The following CUL1 variants were observed in gnomAD, a reference collection of about 807,000 sequenced individuals.
The protein encoded by CUL1 is cullin-1.
Under a neutral mutation model 118.0 loss-of-function variants are expected in CUL1, and 24 were observed. That is an observed-to-expected ratio of 0.20 (90% CI 0.15 to 0.29). CUL1 has a LOEUF of 0.29. Ranked by LOEUF, CUL1 falls within the 10% of genes least tolerant of loss-of-function variation. CUL1 has a pLI of 1.00. For missense variants in CUL1, 361 were observed against 933.8 expected (o/e 0.39, Z 7.99); for synonymous variants, 332 against 340.4 (o/e 0.98, Z 0.27).
chr7:148,800,739 C>G lies in CUL1; in HGVS notation c.*157C>G. The stretch of plus-strand genomic sequence containing the variant: ...CCATCAGCTGGTCTCGGATTTACAT[C>G]GGAACTGCTCAGGATTGATACATTT... On this transcript the variant is annotated 3_prime_UTR_variant, in exon 22 of 22. Transcript: ENST00000325222. The surrounding 1 kb of genome is among the most constrained non-coding windows in gnomAD (Gnocchi z 4.6). 1.6e-6 allele frequency: 1 copy of G among 612,142 alleles called. No individual in the cohort carries two copies. The highest frequency in any genetic ancestry group is 2.0e-5 in the South Asian group (1 of 51,192). 37.9% of individuals were successfully genotyped at this position (612,142 alleles called of 1,614,324 possible).
chr7:148,779,666 C>T (rs775880299), intron 9 of CUL1, among the ~76,000 whole-genome samples: 16 of 152,038 alleles, frequency 1.1e-4, no homozygotes, highest in Admixed American at 1.3e-4. Flanking sequence ...GTCATGGAAT[C>T]GACGGGATAT....
chr7:148,737,052 G>T (rs912097284), intron 2 of CUL1, among the ~76,000 whole-genome samples: 3 of 152,194 alleles, frequency 2.0e-5, no homozygotes, highest in Non-Finnish European at 1.5e-5. Flanking sequence ...CAAATGTTAA[G>T]CCTAGTTTGC....
chr7:148,743,465 C>T (rs1211094961), intron 2 of CUL1, among the ~76,000 whole-genome samples: 1 of 152,194 alleles, frequency 6.6e-6, no homozygotes, highest in Non-Finnish European at 1.5e-5. Context: ...CAGTATACCA[C>T]TGGGTGTAGA....
intron 6 of CUL1, 127 bp from the exon 7 acceptor site, chr7:148,760,206 C>T: frequency 1.5e-6 from 1 of 682,504 alleles, no homozygotes. Flanking sequence ...GTAAGAGTTA[C>T]TTATGTCCTG....
At chr7:148,785,427 C>T (rs1424304275) in intron 11 of CUL1, among the ~76,000 whole-genome samples, 9 of 151,906 alleles carry the variant, frequency 5.9e-5, no homozygotes, top group East Asian at 1.9e-4. Flanking sequence ...GGCACAATCT[C>T]GGCTCACTGC....
At chr7:148,799,128 G>A (rs891471538) in intron 20 of CUL1, 147 bp from the exon 21 acceptor site, 10 of 606,544 alleles carry the variant, frequency 1.6e-5, no homozygotes, top group African/African-American at 9.2e-5. Context: ...TCCCTCTCCC[G>A]TCTCACCTGC....
chr7:148,799,398 T>C lies in CUL1; in HGVS notation c.2250+10T>C. ...AGTCCCTGTGATCAAGGTACAGGAC[T>C]TTACATAGCAGTCACATTCCTTTCT... On this transcript the variant is annotated intron_variant, in intron 21 of 21. Transcript: ENST00000325222. 1 of 1,525,202 alleles carries C rather than the reference T, an allele frequency of 6.6e-7. No individual in the cohort carries two copies. The highest frequency in any genetic ancestry group is 2.3e-5 in the East Asian group (1 of 44,434). 94.5% of individuals were successfully genotyped at this position (1,525,202 alleles called of 1,614,324 possible).
At position 148,790,479 on chromosome 7, in the gene CUL1, A is replaced by T. The variant is rs1329583627; in HGVS notation, c.1806+38A>T. 6 of 1,562,952 alleles carry T rather than the reference A, an allele frequency of 3.8e-6. No individual in the cohort carries two copies. In the African/African-American group the frequency reaches 8.2e-5, roughly 21 times the overall value. On this transcript the variant is annotated intron_variant, in intron 16 of 21. Transcript: ENST00000325222. ...TTTTATCTTAAAATTTTTCTATTCTAAATGAACATAAGGCAAATTATGGAA... is the reference window on the plus strand; with the variant it reads ...TTTTATCTTAAAATTTTTCTATTCTTAATGAACATAAGGCAAATTATGGAA...
intron 1 of CUL1, among the ~76,000 whole-genome samples, chr7:148,701,849 T>C (rs966118194): frequency 6.6e-6 from 1 of 152,214 alleles, no homozygotes; most frequent in African/African-American, 2.4e-5. Context: ...TGGTTTTTTG[T>C]TTGTTTTGCT....
intron 1 of CUL1, among the ~76,000 whole-genome samples, chr7:148,714,464 G>A (rs954909617): frequency 1.3e-5 from 2 of 152,078 alleles, no homozygotes; most frequent in African/African-American, 2.4e-5. Flanking sequence ...CTGAGACTTC[G>A]CACCTTTGAC....
At chr7:148,767,326 TA>T (rs1800038290) in intron 8 of CUL1, among the ~76,000 whole-genome samples, 2 of 148,214 alleles carry the variant, frequency 1.3e-5, no homozygotes, top group Admixed American at 1.3e-4. Flanking sequence ...TTGTTTCTGA[TA>T]ATTTTTTTTT....
intron 9 of CUL1, among the ~76,000 whole-genome samples, chr7:148,771,527 C>T (rs1363525447): frequency 1.3e-5 from 2 of 152,156 alleles, no homozygotes; most frequent in East Asian, 1.9e-4. Flanking sequence ...CTCCGAACCT[C>T]GGAGTGGGGA....
chr7:148,734,429 A>T (rs1053100073), intron 2 of CUL1, among the ~76,000 whole-genome samples: 1 of 152,134 alleles, frequency 6.6e-6, no homozygotes, highest in Non-Finnish European at 1.5e-5. Context: ...TTTTTTGTAG[A>T]TACAGGGTTT....
At position 148,799,135 on chromosome 7, in the gene CUL1, C is replaced by T; in HGVS notation, c.2137-140C>T. On this transcript the variant is annotated intron_variant, in intron 20 of 21. Coordinates refer to ENST00000325222, the MANE Select transcript of CUL1 (RefSeq NM_003592.3). The stretch of plus-strand genomic sequence containing the variant: ...GAATTGGTTCCCTCTCCCGTCTCAC[C>T]TGCAGGATGTTTGTTGCCTGTTAGG... 4.8e-6 allele frequency: 3 copies of T among 621,190 alleles called. No individual in the cohort carries two copies. In the South Asian group the frequency reaches 6.0e-5, roughly 12 times the overall value. 38.5% of individuals were successfully genotyped at this position (621,190 alleles called of 1,614,324 possible).
intron 1 of CUL1, among the ~76,000 whole-genome samples, chr7:148,707,364 T>C (rs939205057): frequency 4.6e-5 from 7 of 152,190 alleles, no homozygotes; most frequent in Admixed American, 4.6e-4. Flanking sequence ...CCCTAGTCCT[T>C]GTTTAAATCC....
intron 9 of CUL1, among the ~76,000 whole-genome samples, chr7:148,772,611 G>A (rs867963394): frequency 1.0e-3 from 154 of 152,210 alleles, no homozygotes; most frequent in African/African-American, 3.5e-3. Flanking sequence ...TGTAGTAGAC[G>A]TGATGTCAAG....
At chr7:148,783,730 A>T in intron 9 of CUL1, 53 bp from the exon 10 acceptor site, 1 of 1,598,710 alleles carries the variant, frequency 6.3e-7, no homozygotes, top group Non-Finnish European at 8.6e-7. Flanking sequence ...ACCTTAATAC[A>T]CAATTTAATC....
chr7:148,775,461 T>C (rs77264717), intron 9 of CUL1, among the ~76,000 whole-genome samples: 8,550 of 152,274 alleles, frequency 0.056, 314 homozygotes, highest in South Asian at 0.12. Context: ...GGGGGTTGAT[T>C]TTACTATTCT....
intron 1 of CUL1, among the ~76,000 whole-genome samples, chr7:148,709,352 T>C (rs1395033295): frequency 6.7e-6 from 1 of 148,540 alleles, no homozygotes; most frequent in Non-Finnish European, 1.5e-5. Context: ...TTCAGAAGTT[T>C]ATTTATTTGC....
Sources: allele counts gnomAD v4.1 joint callset (sites outside exome capture counted in the v4.1 genomes callset), GRCh38; gene constraint gnomAD v4.1.1; non-coding constraint Gnocchi (gnomAD v3.1); transcripts MANE v1.5; gene names NCBI Gene and HGNC (gene_info 2026-07-23, HGNC 2026-07-21).